MAST3: variants seen among roughly 807,000 people sequenced by gnomAD.
MAST3 encodes microtubule-associated serine/threonine-protein kinase 3.
Under a neutral mutation model 127.0 loss-of-function variants are expected in MAST3, and 43 were observed. The ratio of observed to expected loss-of-function variants is 0.34; its 90% confidence interval spans 0.27 to 0.44. The LOEUF (loss-of-function observed/expected upper bound fraction) is 0.44. MAST3 is among the 20% of genes least tolerant of loss of function. MAST3 has a pLI of 1.00. For missense variants in MAST3, 1,390 were observed against 1,919.1 expected (o/e 0.72, Z 5.15); for synonymous variants, 785 against 809.2 (o/e 0.97, Z 0.51).
Position 18,141,377 on chromosome 19 carries a change from C to CTTTTTTTTTTTTTTT in MAST3, c.2206-492_2206-491insTTTTTTTTTTTTTTT, listed in dbSNP as rs370099564. Among the ~76,000 whole-genome samples, 21 of 122,764 alleles carry CTTTTTTTTTTTTTTT rather than the reference C, an allele frequency of 1.7e-4. 2 individuals are homozygous for CTTTTTTTTTTTTTTT. Among genetic ancestry groups the CTTTTTTTTTTTTTTT allele is most frequent in the African/African-American group, 3.5e-4 (11 of 31,708 alleles). The allele number at this position is 122,764 out of a possible 152,430, so 80.5% of individuals were successfully genotyped here. ...GGAATCACTGGACTAAGCCAGCTTT[C>CTTTTTTTTTTTTTTT]TTTTTTTTTTTTTGAAACAGAGTCT... On this transcript the variant is annotated intron_variant, in intron 20 of 27. Transcript: ENST00000687212.
intron 1 of MAST3, among the ~76,000 whole-genome samples, chr19:18,100,872 C>A (rs2037543219): frequency 6.6e-6 from 1 of 152,222 alleles, no homozygotes; most frequent in African/African-American, 2.4e-5. Context: ...AGTCCATTCA[C>A]AAACGGGTGC....
intron 14 of MAST3, 148 bp from the exon 15 acceptor site, chr19:18,131,761 C>G: frequency 1.2e-6 from 1 of 812,044 alleles, no homozygotes; most frequent in Non-Finnish European, 2.0e-6. Context: ...TTCCCTCTCC[C>G]CCGACCCTCC....
At chr19:18,138,923 C>T in intron 19 of MAST3, 92 bp from the exon 20 acceptor site, 1 of 849,556 alleles carries the variant, frequency 1.2e-6, no homozygotes, top group Admixed American at 2.0e-5. Context: ...TGGCAGTGAC[C>T]CTATCCTGAG....
intron 3 of MAST3, chr19:18,118,142 T>G (rs2039515096): frequency 1.0e-6 from 1 of 985,100 alleles, no homozygotes; most frequent in African/African-American, 1.7e-5. Flanking sequence ...CTCGGGCGGC[T>G]GCGGCGGCAC....
chr19:18,105,680 AC>A (rs2038014230), intron 1 of MAST3, among the ~76,000 whole-genome samples: 1 of 152,118 alleles, frequency 6.6e-6, no homozygotes. Context: ...TCTCAAAAAA[AC>A]AAAAACAACA....
At chr19:18,122,808 A>G (rs1017690704) in intron 6 of MAST3, 57 bp downstream of exon 6, 1 of 1,534,068 alleles carries the variant, frequency 6.5e-7, no homozygotes, top group African/African-American at 1.4e-5. Flanking sequence ...GTGGGGGGAC[A>G]CATCTTTGTG....
intron 1 of MAST3, 138 bp from the exon 2 acceptor site, chr19:18,107,449 G>T: frequency 1.1e-6 from 1 of 895,088 alleles, no homozygotes; most frequent in Non-Finnish European, 1.9e-6. Context: ...TTGAGGCAGG[G>T]CTGAGCCAGT....
Position 18,145,369 on chromosome 19 carries a change from T to A in MAST3, c.3039+140T>A. 1.3e-6 allele frequency: 1 copy of A among 795,704 alleles called. No individual in the cohort carries two copies. The allele number at this position is 795,704 out of a possible 1,614,324, so 49.3% of individuals were successfully genotyped here. On this transcript the variant is annotated intron_variant, in intron 24 of 27. Transcript: ENST00000687212. The surrounding 1 kb of genome is among the most constrained non-coding windows in gnomAD (Gnocchi z 5.9). ...GCCACCGAGTTCATCTCGGTCCCTG[T>A]CATTTGGCAGGGAGGAGGTCAGATG...
At chr19:18,139,616 C>T (rs2042231645) in intron 20 of MAST3, among the ~76,000 whole-genome samples, 1 of 151,616 alleles carries the variant, frequency 6.6e-6, no homozygotes, top group Non-Finnish European at 1.5e-5. Context: ...TGAGCCACCA[C>T]ACCTGGTCAA....
intron 3 of MAST3, among the ~76,000 whole-genome samples, chr19:18,119,005 A>G (rs1255187105): frequency 6.6e-6 from 1 of 152,182 alleles, no homozygotes; most frequent in Non-Finnish European, 1.5e-5. Flanking sequence ...GATGAGGTGC[A>G]GGAGGCTGGC....
intron 3 of MAST3, among the ~76,000 whole-genome samples, chr19:18,113,074 G>A (rs1327841980): frequency 6.6e-6 from 1 of 152,138 alleles, no homozygotes; most frequent in Non-Finnish European, 1.5e-5. Flanking sequence ...GTTGGAGGCC[G>A]CTGAGCAGAT....
intron 3 of MAST3, among the ~76,000 whole-genome samples, chr19:18,113,409 G>C (rs1230024889): frequency 1.3e-5 from 2 of 151,954 alleles, no homozygotes; most frequent in Non-Finnish European, 2.9e-5. Flanking sequence ...TCAGCCTCCT[G>C]AGTAGCTGGG....
intron 21 of MAST3, 140 bp downstream of exon 21, chr19:18,142,155 G>T: frequency 4.3e-6 from 4 of 929,702 alleles, no homozygotes; most frequent in Non-Finnish European, 5.7e-6. Flanking sequence ...TCAGGTCCCT[G>T]GCAACCTTGC....
rs564441379 is a variant in MAST3, at chr19:18,151,472, A to G, written c.*1746A>G. 2.0e-4 allele frequency: 31 copies of G among 152,358 alleles called. No homozygotes were observed. The highest frequency in any genetic ancestry group is 7.5e-4 in the African/African-American group (31 of 41,576). The allele number at this position is 152,358 out of a possible 1,614,324, so 9.4% of individuals were successfully genotyped here. ...GAATGGAGGGTCTGGTGTCAGATAC[A>G]GCCGACTCCAGCCCCAGCTCATCCC... On this transcript the variant is annotated 3_prime_UTR_variant, in exon 28 of 28. Coordinates refer to ENST00000687212, the MANE Select transcript of MAST3 (RefSeq NM_001393504.1).
In MAST3 at chr19:18,150,560, T is replaced by G. The variant is rs1364555384; in HGVS notation, c.*834T>G. 1.3e-5 allele frequency: 2 copies of G among 152,250 alleles called. No homozygotes were observed. The highest frequency in any genetic ancestry group is 4.8e-5 in the African/African-American group (2 of 41,464). 9.4% of individuals were successfully genotyped at this position (152,250 alleles called of 1,614,324 possible). A position where few individuals can be genotyped will look rare whatever the true frequency, so the allele number is the denominator to read the frequency against. ...GTCACCTGTACCGGCCCAGTTCGGC[T>G]ACAACCTGGAGTGTCCGTAAACAAT... On this transcript the variant is annotated 3_prime_UTR_variant, in exon 28 of 28. Coordinates refer to ENST00000687212, the MANE Select transcript of MAST3 (RefSeq NM_001393504.1).
At chr19:18,147,851 G>A (rs1227517062) in intron 27 of MAST3, among the ~76,000 whole-genome samples, 1 of 152,232 alleles carries the variant, frequency 6.6e-6, no homozygotes, top group Non-Finnish European at 1.5e-5. Flanking sequence ...GGGCTAGACA[G>A]GAGGGTGGGA....
intron 2 of MAST3, chr19:18,109,839 G>T (rs959137249): frequency 2.3e-5 from 15 of 652,436 alleles, no homozygotes; most frequent in African/African-American, 2.2e-4. Flanking sequence ...GGGATGCGGG[G>T]TTGGGGAGTT....
chr19:18,103,397 C>T (rs953249357), intron 1 of MAST3, among the ~76,000 whole-genome samples: 22 of 151,970 alleles, frequency 1.4e-4, no homozygotes, highest in Admixed American at 1.1e-3. Flanking sequence ...ATCAGCCAAG[C>T]GTGGTGGTGG....
Position 18,123,993 on chromosome 19 carries a change from G to C in MAST3, c.688G>C (p.Gly230Arg), listed in dbSNP as rs765659545. 5.0e-6 allele frequency: 8 copies of C among 1,592,516 alleles called. No homozygotes were observed. The highest frequency in any genetic ancestry group is 6.8e-6 in the Non-Finnish European group (8 of 1,171,054). Reference sequence around the variant, plus strand: ...GGAGTTCCTGACGGCCTACGCGCCCGGCGCCCGGCTGGCGCTGGCTGATGG... The same window carrying C: ...GGAGTTCCTGACGGCCTACGCGCCCCGCGCCCGGCTGGCGCTGGCTGATGG... ...LQEFLTAYAP[G>R]ARLALADGVL... The change falls in exon 9 of 28, where the codon GGC (glycine) becomes CGC (arginine). Residue 230 changes from glycine to arginine, a missense_variant. By Grantham distance (125) the Gly-to-Arg change is moderately radical. Around this residue, in one of 5 missense-constraint regions of MAST3, gnomAD observed 277 missense variants for 384.8 expected, o/e 0.72. Coordinates refer to ENST00000687212, the MANE Select transcript of MAST3 (RefSeq NM_001393504.1).
Sources: allele counts gnomAD v4.1 joint callset (sites outside exome capture counted in the v4.1 genomes callset), GRCh38; gene constraint gnomAD v4.1.1; regional missense constraint gnomAD v4.1.1; non-coding constraint Gnocchi (gnomAD v3.1); transcripts MANE v1.5; gene names NCBI Gene and HGNC (gene_info 2026-07-23, HGNC 2026-07-21).